The following ADCY8 variants were observed in gnomAD, a reference collection of about 807,000 sequenced individuals.
ADCY8 encodes adenylate cyclase type 8.
A neutral mutation model predicts 119.7 loss-of-function variants in ADCY8; 51 were observed. The observed-to-expected ratio is 0.43, with a 90% CI of 0.34 to 0.54. The LOEUF (loss-of-function observed/expected upper bound fraction) is 0.54. Ranked by LOEUF, ADCY8 falls within the 20% of genes least tolerant of loss-of-function variation. ADCY8 has a pLI of 0.03. For missense variants in ADCY8, 1,383 were observed against 1,598.8 expected (o/e 0.87, Z 2.30); for synonymous variants, 665 against 651.0 (o/e 1.02, Z -0.33).
chr8:130,818,476 G>A (rs1372383637), intron 13 of ADCY8, among the ~76,000 whole-genome samples: 3 of 152,214 alleles, frequency 2.0e-5, no homozygotes, highest in African/African-American at 7.2e-5. Context: ...ACCTGCCTCA[G>A]AGGAGGAAGT....
intron 10 of ADCY8, among the ~76,000 whole-genome samples, chr8:130,848,074 T>C (rs1817388057): frequency 1.3e-5 from 2 of 152,194 alleles, no homozygotes; most frequent in Admixed American, 1.3e-4. Flanking sequence ...ACAACCACCT[T>C]GTGATGTAGC....
chr8:131,015,745 T>C lies in ADCY8; in HGVS notation c.960+23629A>G, dbSNP rs903765915. Among the ~76,000 whole-genome samples the C allele has an allele frequency of 1.5e-4, 23 of 152,292 alleles. 3 individuals are homozygous for C. Among genetic ancestry groups the C allele is most frequent in the Admixed American group, 7.9e-4 (12 of 15,286 alleles). On this transcript the variant is annotated intron_variant, in intron 1 of 17. Transcript: ENST00000286355. ...AATGACAAGTCAGTATGGGAGTTAT[T>C]ATATCCACGTCTAGGTGTGAAACGT...
At chr8:130,967,930 C>T (rs1821809677) in intron 2 of ADCY8, among the ~76,000 whole-genome samples, 2 of 152,128 alleles carry the variant, frequency 1.3e-5, no homozygotes, top group Admixed American at 1.3e-4. Context: ...GGAACTCAGG[C>T]AAGTTACTTA....
chr8:131,028,314 C>CATGTCATAATT (rs1823883845), intron 1 of ADCY8, among the ~76,000 whole-genome samples: 1 of 152,242 alleles, frequency 6.6e-6, no homozygotes, highest in Non-Finnish European at 1.5e-5. Flanking sequence ...AGCTGCGTAT[C>CATGTCATAATT]ATGTCATAAT....
At chr8:130,935,095 G>A (rs1009775341) in intron 5 of ADCY8, among the ~76,000 whole-genome samples, 7 of 152,168 alleles carry the variant, frequency 4.6e-5, no homozygotes, top group Non-Finnish European at 1.0e-4. Context: ...CTTTCCAGAG[G>A]TAGGCTGCTG....
chr8:130,939,346 G>A (rs1315496480), intron 4 of ADCY8, among the ~76,000 whole-genome samples: 6 of 152,060 alleles, frequency 3.9e-5, no homozygotes, highest in African/African-American at 1.4e-4. Context: ...TCCAATTTTT[G>A]TGTATGAAGG....
At chr8:130,875,504 G>A (rs1254169559) in intron 8 of ADCY8, among the ~76,000 whole-genome samples, 1 of 152,168 alleles carries the variant, frequency 6.6e-6, no homozygotes, top group African/African-American at 2.4e-5. Context: ...ACATGGAGTG[G>A]TTCAACAAAT....
At chr8:130,898,217 A>G (rs1187840616) in intron 7 of ADCY8, among the ~76,000 whole-genome samples, 1 of 148,010 alleles carries the variant, frequency 6.8e-6, no homozygotes, top group Non-Finnish European at 1.5e-5. Flanking sequence ...CTGAATCCCA[A>G]TTTTCCCATT....
At chr8:131,003,525 T>A (rs2130766618) in intron 1 of ADCY8, among the ~76,000 whole-genome samples, 1 of 152,296 alleles carries the variant, frequency 6.6e-6, no homozygotes, top group East Asian at 1.9e-4. Context: ...CCTGCCAACC[T>A]CTTCAGAAGG....
chr8:130,903,836 G>T lies in ADCY8; in HGVS notation c.1847C>A (p.Ala616Asp). The T allele has an allele frequency of 6.2e-7, 1 of 1,613,762 alleles. No homozygotes were observed. The highest frequency in any genetic ancestry group is 8.5e-7 in the Non-Finnish European group (1 of 1,179,990). Residue 616 changes from alanine (A) to aspartate (D), a missense_variant, in exon 7 of 18, where the codon GCC (alanine) becomes GAC (aspartate). By Grantham distance (126) the Ala-to-Asp change is moderately radical (BLOSUM62 -2). This residue lies in a region of ADCY8 where 928 missense variants were observed against 1,163.5 expected (regional missense o/e 0.80). Transcript: ENST00000286355. ...GCTCCAGGATCCTTCAGTGAATGTG[G>T]CCCCACTGTTTCTCCGGTCTGAGGA... is the stretch of plus-strand genomic sequence containing the variant. ...VSSSDRRNSG[A>D]TFTEGSWSPE... is the part of the protein sequence containing the mutation.
intron 1 of ADCY8, among the ~76,000 whole-genome samples, chr8:130,993,690 T>C (rs1563759723): frequency 6.6e-6 from 1 of 152,214 alleles, no homozygotes; most frequent in South Asian, 2.1e-4. Context: ...CCTGCCACCA[T>C]GTAAGACATG....
chr8:130,990,432 C>T lies in ADCY8; in HGVS notation c.1071G>A (p.Val357=), dbSNP rs2130741108. The T allele has an allele frequency of 1.2e-6, 2 of 1,614,202 alleles. No homozygotes were observed. Among genetic ancestry groups the T allele is most frequent in the East Asian group, 2.2e-5 (1 of 44,878 alleles). The change falls in exon 2 of 18, where the codon GTG becomes GTA. Residue 357 remains valine (V), a synonymous_variant. Transcript: ENST00000286355. ...CTGTCTCCAGGCGCAGCCTGGCCTCCACACACCTCCGAGTCTCCAGGAAAG... is the reference window on the plus strand; with the variant it reads ...CTGTCTCCAGGCGCAGCCTGGCCTCTACACACCTCCGAGTCTCCAGGAAAG... ...RQAFLETRRC[V]EARLRLETEN...
At chr8:130,854,963 C>T (rs889551905) in intron 9 of ADCY8, among the ~76,000 whole-genome samples, 1 of 136,464 alleles carries the variant, frequency 7.3e-6, no homozygotes, top group Non-Finnish European at 1.5e-5. Context: ...TTGTCTCTTT[C>T]TCATCATCAC....
intron 6 of ADCY8, among the ~76,000 whole-genome samples, chr8:130,908,073 T>C (rs1343461917): frequency 6.6e-6 from 1 of 152,256 alleles, no homozygotes; most frequent in Non-Finnish European, 1.5e-5. Flanking sequence ...GGACATGATG[T>C]CATTCCTTTT....
chr8:130,991,819 T>G (rs1563758683), intron 1 of ADCY8, among the ~76,000 whole-genome samples: 1 of 152,170 alleles, frequency 6.6e-6, no homozygotes, highest in African/African-American at 2.4e-5. Context: ...CTTTGCTCAG[T>G]GACATTCTAG....
intron 9 of ADCY8, among the ~76,000 whole-genome samples, chr8:130,862,718 T>C (rs927731343): frequency 3.9e-5 from 6 of 152,166 alleles, no homozygotes; most frequent in African/African-American, 1.2e-4. Context: ...TGGCCCAAAA[T>C]ATTTTTAAAT....
intron 1 of ADCY8, among the ~76,000 whole-genome samples, chr8:131,027,165 C>T (rs1172781578): frequency 1.3e-5 from 2 of 152,146 alleles, no homozygotes; most frequent in African/African-American, 4.8e-5. Context: ...CCCTCCTTTC[C>T]TTAAACACCT....
At chr8:130,953,547 T>A (rs1327974106) in intron 2 of ADCY8, among the ~76,000 whole-genome samples, 1 of 152,124 alleles carries the variant, frequency 6.6e-6, no homozygotes, top group Non-Finnish European at 1.5e-5. Context: ...TAGCTGGGAT[T>A]CTTGGTGAGA....
chr8:130,959,753 A>G lies in ADCY8; in HGVS notation c.1111-7755T>C, dbSNP rs57169529. Among the ~76,000 whole-genome samples, 302 of 152,318 alleles carry G rather than the reference A, an allele frequency of 2.0e-3. 2 individuals carry two copies. Among genetic ancestry groups the G allele is most frequent in the African/African-American group, 7.2e-3 (300 of 41,574 alleles). ...TGGTTGTGGAATACCATTCTAACAG[A>G]AGAGAGCAGTATGTGCAAAGGCCTG... On this transcript the variant is annotated intron_variant, in intron 2 of 17. Coordinates refer to ENST00000286355, the MANE Select transcript of ADCY8 (RefSeq NM_001115.3).
Sources: gnomAD v4.1 joint callset for allele counts (sites outside exome capture counted in the v4.1 genomes callset) on GRCh38, gnomAD v4.1.1 for gene constraint, gnomAD v4.1.1 regional missense constraint, MANE v1.5 for transcripts, NCBI Gene and HGNC (gene_info 2026-07-23, HGNC 2026-07-21) for gene names.